The following NFIB variants were observed in gnomAD, a reference collection of about 807,000 sequenced individuals.
The protein encoded by NFIB is nuclear factor 1 B-type.
A neutral mutation model predicts 61.5 loss-of-function variants in NFIB; 11 were observed. The observed-to-expected ratio is 0.18, with a 90% CI of 0.11 to 0.30. The LOEUF (loss-of-function observed/expected upper bound fraction) is 0.30, where lower values mean the gene tolerates loss of function less well. NFIB is among the 10% of genes least tolerant of loss of function. The pLI is 1.00. For missense variants in NFIB, 471 were observed against 608.9 expected (o/e 0.77, Z 2.38); for synonymous variants, 260 against 216.5 (o/e 1.20, Z -1.76).
Position 14,087,084 on chromosome 9 carries a change from C to G in NFIB, c.*1225G>C, listed in dbSNP as rs1587040454. The G allele has an allele frequency of 5.0e-6, 1 of 201,662 alleles. No homozygotes were observed. Among genetic ancestry groups the G allele is most frequent in the Non-Finnish European group, 1.0e-5 (1 of 97,714 alleles). 12.5% of individuals were successfully genotyped at this position (201,662 alleles called of 1,614,324 possible). A position where few individuals can be genotyped will look rare whatever the true frequency, so the allele number is the denominator to read the frequency against. ...CCCAGTTTGTAAACTGTAAGCTTTA[C>G]CCTTGTGACATGGATTTGCCTGCCT... On this transcript the variant is annotated 3_prime_UTR_variant, in exon 11 of 11. Coordinates refer to ENST00000380953, the MANE Select transcript of NFIB (RefSeq NM_001190737.2).
Position 14,187,027 on chromosome 9 carries a change from A to ATGTGTGTGTG in NFIB, c.563-7257_563-7248dup, listed in dbSNP as rs71491637. On this transcript the variant is annotated intron_variant, in intron 2 of 10. Transcript: ENST00000380953. ...CTCCTGTGTGTGTGTGTGTGTGTGT[A>ATGTGTGTGTG]TGTGTGTGTGTGTGTGTGTGTGTGT... Among the ~76,000 whole-genome samples, 281 of 61,000 alleles carry ATGTGTGTGTG rather than the reference A, an allele frequency of 4.6e-3. 1 individual carries two copies. Among genetic ancestry groups the ATGTGTGTGTG allele is most frequent in the Admixed American group, 0.012 (77 of 6,162 alleles). The allele number at this position is 61,000 out of a possible 152,430, so 40.0% of individuals were successfully genotyped here. A position where few individuals can be genotyped will look rare whatever the true frequency, so the allele number is the denominator to read the frequency against.
intron 10 of NFIB, among the ~76,000 whole-genome samples, 179 bp downstream of exon 10, chr9:14,112,820 C>G (rs575188912): frequency 2.6e-5 from 4 of 152,268 alleles, no homozygotes; most frequent in Admixed American, 1.3e-4. Context: ...TTGAGAAACT[C>G]TACTCAAAGA....
At chr9:14,417,173 G>A in the NFIB span, among the ~76,000 whole-genome samples, 3 of 152,090 alleles carry the variant, frequency 2.0e-5, no homozygotes, top group African/African-American at 7.2e-5. Context: ...TTACAGGTGT[G>A]AGCCACCACA....
At chr9:14,438,573 G>A in the NFIB span, among the ~76,000 whole-genome samples, 2 of 152,282 alleles carry the variant, frequency 1.3e-5, no homozygotes, top group East Asian at 3.9e-4. Context: ...GGGTGGTGGA[G>A]GTGGAGAGGG....
intron 1 of NFIB, among the ~76,000 whole-genome samples, chr9:14,329,821 C>T (rs898976864): frequency 1.3e-5 from 2 of 151,364 alleles, no homozygotes; most frequent in East Asian, 4.0e-4. Context: ...CCATCTTTCT[C>T]TTATTAAAAA....
intron 3 of NFIB, among the ~76,000 whole-genome samples, chr9:14,179,081 T>C (rs10122366): frequency 0.055 from 8,317 of 152,188 alleles, 666 homozygotes; most frequent in African/African-American, 0.18. Context: ...AAAAACACTG[T>C]TCCTAAATCA....
At chr9:14,463,659 C>CTTCT in the NFIB span, among the ~76,000 whole-genome samples, 43 of 65,812 alleles carry the variant, frequency 6.5e-4, no homozygotes, top group East Asian at 0.019. Context: ...ATTTGATTTT[C>CTTCT]TTTTTTTTTT....
intron 2 of NFIB, among the ~76,000 whole-genome samples, chr9:14,270,301 T>C (rs1382588070): frequency 2.6e-5 from 4 of 152,126 alleles, no homozygotes; most frequent in African/African-American, 9.7e-5. Context: ...GTGTTTTTAG[T>C]ATAAACATTC....
chr9:14,499,756 ACTT>A, the NFIB span, among the ~76,000 whole-genome samples: 70 of 152,162 alleles, frequency 4.6e-4, 1 homozygote, highest in South Asian at 0.012. Flanking sequence ...AACTGCATTC[ACTT>A]CTTCTGCTCC....
chr9:14,092,881 T>C (rs1247579165), intron 10 of NFIB, among the ~76,000 whole-genome samples: 3 of 151,996 alleles, frequency 2.0e-5, no homozygotes, highest in East Asian at 1.9e-4. Flanking sequence ...CTGGGCAAAA[T>C]AGTTCATCTT....
rs566848039 is a variant in NFIB, at chr9:14,139,512, C to T, written c.925+7177G>A. On this transcript the variant is annotated intron_variant, in intron 6 of 10. Coordinates refer to ENST00000380953, the MANE Select transcript of NFIB (RefSeq NM_001190737.2). The stretch of plus-strand genomic sequence containing the variant: ...TTCCCTATTTTAAGCTGTGTTCCAT[C>T]AAGCTAGAAACCCAGTATTAAATAG... 2.0e-5 allele frequency among the ~76,000 whole-genome samples: 3 copies of T among 152,300 alleles called. No homozygotes were observed. The South Asian group carries it at 6.2e-4, about 32-fold the overall frequency.
chr9:14,458,672 C>G, the NFIB span, among the ~76,000 whole-genome samples: 2 of 152,184 alleles, frequency 1.3e-5, no homozygotes, highest in South Asian at 4.1e-4. Context: ...AGCAAAGTCT[C>G]AGCATACAAA....
At chr9:14,350,717 C>T (rs985501921) in intron 1 of NFIB, among the ~76,000 whole-genome samples, 1 of 152,102 alleles carries the variant, frequency 6.6e-6, no homozygotes. Flanking sequence ...ATGCAGATAC[C>T]TTATGGGCGC....
chr9:14,281,102 T>C (rs763127004), intron 2 of NFIB, among the ~76,000 whole-genome samples: 11 of 152,120 alleles, frequency 7.2e-5, no homozygotes, highest in Non-Finnish European at 1.3e-4. Flanking sequence ...AATAAAAACC[T>C]AAAATCTGTA....
intron 1 of NFIB, among the ~76,000 whole-genome samples, chr9:14,388,182 G>T (rs2061571785): frequency 6.6e-6 from 1 of 152,096 alleles, no homozygotes; most frequent in Non-Finnish European, 1.5e-5. Flanking sequence ...GAATTACAAG[G>T]ATGAGTTGCA....
chr9:14,360,587 C>T (rs2061226757), intron 1 of NFIB, among the ~76,000 whole-genome samples: 1 of 151,268 alleles, frequency 6.6e-6, no homozygotes, highest in Non-Finnish European at 1.5e-5. Flanking sequence ...CTCTGTCGCC[C>T]AGGCTGGAGT....
At chr9:14,275,549 C>T (rs1225498612) in intron 2 of NFIB, among the ~76,000 whole-genome samples, 2 of 152,084 alleles carry the variant, frequency 1.3e-5, no homozygotes, top group Admixed American at 1.3e-4. Flanking sequence ...AAGCAGTATC[C>T]TTGAAGAATG....
chr9:14,116,183 G>C, intron 9 of NFIB, 25 bp downstream of exon 9: 1 of 1,479,880 alleles, frequency 6.8e-7, no homozygotes, highest in Non-Finnish European at 9.0e-7. Context: ...ATACTTACTG[G>C]TTGCTGTAGG....
At chr9:14,115,675 T>A (rs1233542489) in intron 9 of NFIB, among the ~76,000 whole-genome samples, 2 of 152,210 alleles carry the variant, frequency 1.3e-5, no homozygotes, top group Non-Finnish European at 2.9e-5. Flanking sequence ...TGCCTAATAC[T>A]AAGTTTTGAA....
Sources: allele counts gnomAD v4.1 joint callset (sites outside exome capture counted in the v4.1 genomes callset), GRCh38; gene constraint gnomAD v4.1.1; transcripts MANE v1.5; gene names NCBI Gene and HGNC (gene_info 2026-07-23, HGNC 2026-07-21).